PLCXD3: variants seen among roughly 807,000 people sequenced by gnomAD.
PLCXD3 encodes the protein phosphatidylinositol specific phospholipase C X domain containing 3.
In PLCXD3, 19 loss-of-function variants were observed where a neutral mutation model predicts 25.5. That is an observed-to-expected ratio of 0.75 (90% CI 0.52 to 1.09). The LOEUF is 1.09. Ranked by LOEUF, PLCXD3 falls within the 50% of genes least tolerant of loss-of-function variation. The probability of loss-of-function intolerance (pLI) is 0.00; values close to 1 mark genes in which losing one functional copy is unlikely to be tolerated. For synonymous variants in PLCXD3, 174 were observed against 137.6 expected (o/e 1.26, Z -1.85); for missense variants, 411 against 388.1 (o/e 1.06, Z -0.50).
chr5:41,453,275 T>C (rs189566713), intron 1 of PLCXD3, among the ~76,000 whole-genome samples: 21 of 152,058 alleles, frequency 1.4e-4, no homozygotes, highest in African/African-American at 5.1e-4. Context: ...CCTATCATAT[T>C]CTTATGCCAA....
intron 2 of PLCXD3, among the ~76,000 whole-genome samples, chr5:41,375,110 A>G (rs1185207587): frequency 1.3e-5 from 2 of 152,046 alleles, no homozygotes; most frequent in Non-Finnish European, 2.9e-5. Context: ...TTGGAGAGAA[A>G]AAAAAGAGTC....
chr5:41,453,676 T>C (rs1747688749), intron 1 of PLCXD3, among the ~76,000 whole-genome samples: 1 of 152,038 alleles, frequency 6.6e-6, no homozygotes, highest in African/African-American at 2.4e-5. Context: ...ATCTAGCATG[T>C]GGTAAGTACA....
Position 41,314,909 on chromosome 5 carries a change from A to G in PLCXD3, c.813-1139T>C, listed in dbSNP as rs138115300. 4.2e-4 allele frequency among the ~76,000 whole-genome samples: 64 copies of G among 152,300 alleles called. No homozygotes were observed. The East Asian group carries it at 8.7e-3, about 21-fold the overall frequency. On this transcript the variant is annotated intron_variant, in intron 2 of 2. Transcript: ENST00000377801. ...ATCATAGTGGAGAGTCACTTAGCAT[A>G]GCCTGGAAAATCAAGGAAAGTCTTC...
chr5:41,400,417 C>A (rs953049499), intron 1 of PLCXD3, among the ~76,000 whole-genome samples: 1 of 151,978 alleles, frequency 6.6e-6, no homozygotes, highest in African/African-American at 2.4e-5. Flanking sequence ...TTTACAATAC[C>A]TAAGATTTGG....
chr5:41,443,228 C>A (rs1341491378), intron 1 of PLCXD3, among the ~76,000 whole-genome samples: 1 of 151,806 alleles, frequency 6.6e-6, no homozygotes, highest in Non-Finnish European at 1.5e-5. Context: ...TTTTACTGTA[C>A]CTTTACTATG....
At chr5:41,424,483 T>C (rs1314210088) in intron 1 of PLCXD3, among the ~76,000 whole-genome samples, 4 of 152,240 alleles carry the variant, frequency 2.6e-5, no homozygotes, top group African/African-American at 9.6e-5. Context: ...GAGGTTGTGG[T>C]GAGCCAAGAT....
chr5:41,339,990 C>T (rs1297515502), intron 2 of PLCXD3, among the ~76,000 whole-genome samples: 2 of 152,168 alleles, frequency 1.3e-5, no homozygotes, highest in Non-Finnish European at 2.9e-5. Context: ...CAGTCAGAAA[C>T]ATGGCGAGGT....
At chr5:41,453,858 G>A (rs1326845259) in intron 1 of PLCXD3, among the ~76,000 whole-genome samples, 4 of 151,906 alleles carry the variant, frequency 2.6e-5, no homozygotes, top group Non-Finnish European at 5.9e-5. Context: ...AGTCCCTGGT[G>A]TTCTTGAGGG....
At chr5:41,343,133 C>T (rs956947433) in intron 2 of PLCXD3, among the ~76,000 whole-genome samples, 2 of 152,120 alleles carry the variant, frequency 1.3e-5, no homozygotes, top group African/African-American at 4.8e-5. Context: ...AGCATAGGAT[C>T]CTTAGAGCTA....
intron 1 of PLCXD3, among the ~76,000 whole-genome samples, chr5:41,494,651 A>C (rs1240282569): frequency 6.6e-6 from 1 of 152,204 alleles, no homozygotes; most frequent in Non-Finnish European, 1.5e-5. Flanking sequence ...TTCTATAGGA[A>C]ATTCAAATGC....
rs58098437 is a variant in PLCXD3 at position 41,465,353 on chromosome 5, C to CTTTTTTTTTTTTT, written c.103+45058_103+45070dup. Among the ~76,000 whole-genome samples, 36 of 13,232 alleles carry CTTTTTTTTTTTTT rather than the reference C, an allele frequency of 2.7e-3. 8 individuals carry two copies. Among genetic ancestry groups the CTTTTTTTTTTTTT allele is most frequent in the Middle Eastern group, 0.2 (2 of 10 alleles). 8.7% of individuals were successfully genotyped at this position (13,232 alleles called of 152,430 possible). On this transcript the variant is annotated intron_variant, in intron 1 of 2. Transcript: ENST00000377801. ...TCCTACTTTCCCCACTAGTTCTTGT[C>CTTTTTTTTTTTTT]TTTTTTTTTTTTTTTTTTTTTTTTT...
At chr5:41,500,141 A>G (rs911690169) in intron 1 of PLCXD3, among the ~76,000 whole-genome samples, 1 of 152,010 alleles carries the variant, frequency 6.6e-6, no homozygotes, top group Non-Finnish European at 1.5e-5. Flanking sequence ...CGCACTATTC[A>G]TAATAGCAAA....
intron 1 of PLCXD3, among the ~76,000 whole-genome samples, chr5:41,501,772 G>A (rs568493557): frequency 1.3e-5 from 2 of 152,166 alleles, no homozygotes; most frequent in Non-Finnish European, 2.9e-5. Context: ...AGAGAGGTGT[G>A]GCGAACCACA....
At chr5:41,501,638 G>T (rs1376728581) in intron 1 of PLCXD3, among the ~76,000 whole-genome samples, 1 of 151,990 alleles carries the variant, frequency 6.6e-6, no homozygotes. Context: ...CTTACAGGTA[G>T]CAACACTGTA....
At chr5:41,501,538 AG>A (rs1748950750) in intron 1 of PLCXD3, among the ~76,000 whole-genome samples, 1 of 151,996 alleles carries the variant, frequency 6.6e-6, no homozygotes, top group Non-Finnish European at 1.5e-5. Context: ...GCTGGGAAAG[AG>A]GGGGAAAAGG....
At chr5:41,422,431 G>A (rs1194698968) in intron 1 of PLCXD3, among the ~76,000 whole-genome samples, 1 of 152,146 alleles carries the variant, frequency 6.6e-6, no homozygotes, top group African/African-American at 2.4e-5. Context: ...TCATATCTGG[G>A]TAGGATGGGT....
intron 2 of PLCXD3, among the ~76,000 whole-genome samples, chr5:41,372,889 C>A (rs955392109): frequency 5.3e-5 from 8 of 151,732 alleles, no homozygotes; most frequent in Non-Finnish European, 1.0e-4. Context: ...ACAAAAAATA[C>A]AAAAATCAGC....
rs957796571 is a variant in PLCXD3, at chr5:41,473,469, A to AATT, written c.103+36952_103+36954dup. 1.6e-4 allele frequency among the ~76,000 whole-genome samples: 24 copies of AATT among 150,778 alleles called. No homozygotes were observed. In the East Asian group the frequency reaches 2.7e-3, roughly 17 times the overall value. On this transcript the variant is annotated intron_variant, in intron 1 of 2. Coordinates refer to ENST00000377801, the MANE Select transcript of PLCXD3 (RefSeq NM_001005473.3). The stretch of plus-strand genomic sequence containing the variant: ...TTTAATTAATTAATTAATTAATAAT[A>AATT]ATTATTATTATTTTTTGAGACGAGT...
intron 2 of PLCXD3, among the ~76,000 whole-genome samples, chr5:41,360,507 G>C (rs545617410): frequency 6.6e-6 from 1 of 152,264 alleles, no homozygotes; most frequent in East Asian, 1.9e-4. Flanking sequence ...GAAGACTTGG[G>C]ACTCAAGGGC....
Sources: allele counts gnomAD v4.1 joint callset (sites outside exome capture counted in the v4.1 genomes callset), GRCh38; gene constraint gnomAD v4.1.1; transcripts MANE v1.5; gene names NCBI Gene and HGNC (gene_info 2026-07-23, HGNC 2026-07-21).